SLC25A26: variants seen among roughly 807,000 people sequenced by gnomAD.
SLC25A26 encodes the protein solute carrier family 25 member 26.
SLC25A26 carries 36 observed loss-of-function variants against 37.8 expected under a neutral mutation model. The observed-to-expected ratio is 0.95, with a 90% CI of 0.73 to 1.26. SLC25A26 has a LOEUF of 1.26. SLC25A26 is among the 50% of genes most tolerant of loss of function. The pLI is 0.00. For missense variants in SLC25A26, 390 were observed against 331.1 expected, an observed-to-expected ratio of 1.18 and a Z score of -1.38; for synonymous variants, 129 against 122.5, an observed-to-expected ratio of 1.05 and a Z score of -0.35.
intron 3 of SLC25A26, among the ~76,000 whole-genome samples, chr3:66,248,811 C>A (rs2072961056): frequency 6.6e-6 from 1 of 152,140 alleles, no homozygotes; most frequent in African/African-American, 2.4e-5. Flanking sequence ...CCAAGAAGGC[C>A]CGATGAGCAT....
In SLC25A26 at chr3:66,196,927, G is replaced by A. The variant is rs901324592; in HGVS notation, c.-353-23815G>A. On this transcript the variant is annotated intron_variant, in intron 1 of 10. Transcript: ENST00000676754. ...AAAAGTTTTGAGAAGGCAAATACAA[G>A]CATATATGTATTATCATCCAAGGCA... Among the ~76,000 whole-genome samples, 154 of 152,148 alleles carry A rather than the reference G, an allele frequency of 1.0e-3. 5 individuals are homozygous for A. The highest frequency in any genetic ancestry group is 3.4e-3 in the African/African-American group (141 of 41,508).
chr3:66,334,374 G>T (rs551928930), intron 5 of SLC25A26, among the ~76,000 whole-genome samples: 1 of 152,126 alleles, frequency 6.6e-6, no homozygotes, highest in Admixed American at 6.5e-5. Flanking sequence ...GAGTGCAGTG[G>T]CATGATCTCG....
rs911360817 is a variant in SLC25A26, at chr3:66,243,321, C to A, written c.300+9C>A. On this transcript the variant is annotated intron_variant, in intron 3 of 9. Coordinates refer to ENST00000354883, the MANE Select transcript of SLC25A26 (RefSeq NM_001379210.1). ...CCTCTGCTGGAGAAGTGGTAAGTAA[C>A]AAGTTTTGTGTATAAAATACTTCAG... The A allele has an allele frequency of 1.4e-6, 2 of 1,452,082 alleles. No homozygotes were observed. Among genetic ancestry groups the A allele is most frequent in the East Asian group, 2.3e-5 (1 of 43,774 alleles). 89.9% of individuals were successfully genotyped at this position (1,452,082 alleles called of 1,614,324 possible).
intron 9 of SLC25A26, chr3:66,371,544 G>T (rs1303348844): frequency 8.4e-6 from 10 of 1,196,530 alleles, no homozygotes; most frequent in Non-Finnish European, 9.8e-6. Flanking sequence ...AGGGATTGAC[G>T]TTGGGGGTGT....
At chr3:66,251,681 G>T (rs570564205) in intron 3 of SLC25A26, among the ~76,000 whole-genome samples, 2 of 152,256 alleles carry the variant, frequency 1.3e-5, no homozygotes, top group African/African-American at 4.8e-5. Context: ...CTATAGTACA[G>T]GCATGAATGT....
At chr3:66,217,279 C>T (rs1462627865), upstream of SLC25A26, among the ~76,000 whole-genome samples, 1 of 152,132 alleles carries the variant, frequency 6.6e-6, no homozygotes, top group Non-Finnish European at 1.5e-5. Context: ...TCAAAAACTT[C>T]CAGGAACATT....
At chr3:66,154,540 C>CTTTTTTTTTT (rs60639995) in intron 1 of SLC25A26, among the ~76,000 whole-genome samples, 3 of 130,402 alleles carry the variant, frequency 2.3e-5, no homozygotes, top group Non-Finnish European at 4.8e-5. Flanking sequence ...TTCTTTTTTT[C>CTTTTTTTTTT]TTTTTTTTTT....
At chr3:66,169,995 A>G (rs1262264171) in intron 1 of SLC25A26, among the ~76,000 whole-genome samples, 10 of 152,162 alleles carry the variant, frequency 6.6e-5, no homozygotes, top group Non-Finnish European at 5.9e-5. Context: ...ACTTGCTGCT[A>G]ATCTAGACTG....
intron 5 of SLC25A26, among the ~76,000 whole-genome samples, chr3:66,285,472 TACTA>T: frequency 6.6e-6 from 1 of 151,036 alleles, no homozygotes; most frequent in African/African-American, 2.4e-5. Context: ...AGTTTGGTAA[TACTA>T]GGTAATAAAT....
chr3:66,204,459 GA>G (rs1210900951), intron 1 of SLC25A26, among the ~76,000 whole-genome samples: 1 of 138,496 alleles, frequency 7.2e-6, no homozygotes, highest in Non-Finnish European at 1.6e-5. Context: ...AAAAAAGAAA[GA>G]AAAAGAAAAA....
chr3:66,356,357 T>C (rs1321494160), intron 6 of SLC25A26, among the ~76,000 whole-genome samples: 1 of 152,182 alleles, frequency 6.6e-6, no homozygotes, highest in African/African-American at 2.4e-5. Context: ...CTATTCTTCC[T>C]CTGATAGGCC....
chr3:66,206,894 CTTTT>C (rs1192766670), intron 1 of SLC25A26, among the ~76,000 whole-genome samples: 7 of 124,574 alleles, frequency 5.6e-5, no homozygotes, highest in Non-Finnish European at 6.9e-5. Context: ...TTCTTTCTTT[CTTTT>C]TTTTTTTTTT....
At chr3:66,237,295 ACAAT>A (rs1426846453) in intron 2 of SLC25A26, among the ~76,000 whole-genome samples, 1 of 152,252 alleles carries the variant, frequency 6.6e-6, no homozygotes, top group Non-Finnish European at 1.5e-5. Context: ...ATTCTTCAGA[ACAAT>A]CATTCTCAAC....
intron 1 of SLC25A26, among the ~76,000 whole-genome samples, chr3:66,176,054 T>G (rs920576644): frequency 2.6e-5 from 4 of 152,182 alleles, no homozygotes; most frequent in Admixed American, 1.3e-4. Context: ...AAACCATCAA[T>G]GCACTTGATC....
chr3:66,290,676 G>A (rs2074673959), intron 5 of SLC25A26, among the ~76,000 whole-genome samples: 1 of 152,150 alleles, frequency 6.6e-6, no homozygotes, highest in Non-Finnish European at 1.5e-5. Context: ...ACTTGATCAT[G>A]GTGGATAAGC....
At chr3:66,214,856 G>A (rs1312222363) in intron 1 of SLC25A26, among the ~76,000 whole-genome samples, 2 of 152,032 alleles carry the variant, frequency 1.3e-5, no homozygotes, top group Admixed American at 6.6e-5. Flanking sequence ...GGTCAGGCAC[G>A]GTGGCTCATG....
At chr3:66,260,269 C>T (rs997014223) in intron 3 of SLC25A26, among the ~76,000 whole-genome samples, 23 of 152,218 alleles carry the variant, frequency 1.5e-4, no homozygotes, top group African/African-American at 5.3e-4. Context: ...AGGGCATCAT[C>T]TTAGTCTTCT....
intron 1 of SLC25A26, among the ~76,000 whole-genome samples, chr3:66,185,208 A>G (rs2070802917): frequency 3.9e-5 from 6 of 152,160 alleles, no homozygotes; most frequent in Admixed American, 3.9e-4. Context: ...ATCATACAGT[A>G]TTTGTCCTTT....
intron 5 of SLC25A26, chr3:66,293,217 A>C (rs948530133): frequency 2.6e-5 from 4 of 152,174 alleles, no homozygotes; most frequent in Admixed American, 2.6e-4. Context: ...GCTGGAGCCA[A>C]CGCGGAAAGC....
Sources: allele counts gnomAD v4.1 joint callset (sites outside exome capture counted in the v4.1 genomes callset), GRCh38; gene constraint gnomAD v4.1.1; transcripts MANE v1.5; gene names NCBI Gene and HGNC (gene_info 2026-07-23, HGNC 2026-07-21).